Variants in ODR4 observed in about 807,000 individuals in gnomAD.
The protein encoded by ODR4 is protein odr-4 homolog.
In ODR4, 47 loss-of-function variants were observed where a neutral mutation model predicts 60.2. The observed-to-expected ratio is 0.78, with a 90% CI of 0.62 to 1.00. The LOEUF (loss-of-function observed/expected upper bound fraction) is 1.00, where lower values mean the gene tolerates loss of function less well. ODR4 is among the 50% of genes least tolerant of loss of function. The probability of loss-of-function intolerance (pLI) is 0.00; values close to 1 mark genes in which losing one functional copy is unlikely to be tolerated. For missense variants in ODR4, 488 were observed against 530.8 expected (o/e 0.92, Z 0.79); for synonymous variants, 178 against 175.5 (o/e 1.01, Z -0.11).
At chr1:186,382,830 A>G (rs1660091778) in intron 2 of ODR4, among the ~76,000 whole-genome samples, 192 bp from the exon 3 acceptor site, 1 of 152,248 alleles carries the variant, frequency 6.6e-6, no homozygotes, top group Non-Finnish European at 1.5e-5. Context: ...CATGTGAGGG[A>G]AAGATTGTAA....
chr1:186,425,118 C>T (rs577404808), downstream of ODR4, among the ~76,000 whole-genome samples: 2 of 152,014 alleles, frequency 1.3e-5, no homozygotes, highest in South Asian at 2.1e-4. Flanking sequence ...TTCACTACCT[C>T]CTAGGAAACC....
At chr1:186,407,453 G>A (rs962735296) in intron 12 of ODR4, among the ~76,000 whole-genome samples, 8 of 151,934 alleles carry the variant, frequency 5.3e-5, no homozygotes, top group African/African-American at 1.7e-4. Context: ...CTTCTCTATC[G>A]TTAAGGCCTA....
chr1:186,385,808 G>A (rs2102025017), intron 3 of ODR4, among the ~76,000 whole-genome samples, 180 bp from the exon 4 acceptor site: 1 of 152,174 alleles, frequency 6.6e-6, no homozygotes, highest in African/African-American at 2.4e-5. Flanking sequence ...TTCAGTCTTT[G>A]ATCTCCTGAG....
chr1:186,390,211 T>C (rs528469403), intron 6 of ODR4, among the ~76,000 whole-genome samples: 2 of 152,352 alleles, frequency 1.3e-5, no homozygotes, highest in South Asian at 4.1e-4. Context: ...CTGAGGACTT[T>C]TGGTAGCTGC....
intron 11 of ODR4, 194 bp downstream of exon 11, chr1:186,399,238 T>C (rs1365747895): frequency 1.7e-6 from 1 of 578,380 alleles, no homozygotes; most frequent in Non-Finnish European, 3.2e-6. Flanking sequence ...AGAGTCTCAC[T>C]GTGTTGCCCA....
chr1:186,398,876 AT>A (rs951794296), intron 10 of ODR4, 77 bp from the exon 11 acceptor site: 115 of 1,056,278 alleles, frequency 1.1e-4, no homozygotes, highest in Non-Finnish European at 1.2e-4. Context: ...AAAGCAAATT[AT>A]TTTTTTTGTT....
In ODR4 at chr1:186,393,864, A is replaced by G. The variant is rs555631721; in HGVS notation, c.712-83A>G. 570 of 700,764 alleles carry G rather than the reference A, an allele frequency of 8.1e-4. 2 individuals carry two copies. Among genetic ancestry groups the G allele is most frequent in the Admixed American group, 1.8e-3 (59 of 32,896 alleles). The allele number at this position is 700,764 out of a possible 1,614,324, so 43.4% of individuals were successfully genotyped here. A position where few individuals can be genotyped will look rare whatever the true frequency, so the allele number is the denominator to read the frequency against. On this transcript the variant is annotated intron_variant, in intron 8 of 13. Coordinates refer to ENST00000287859, the MANE Select transcript of ODR4 (RefSeq NM_017847.6). ...AGACTTGTTTTTTTCTAAGTTACTT[A>G]GTATATGTACAATAGTTTATAAGTT...
intron 8 of ODR4, among the ~76,000 whole-genome samples, chr1:186,393,436 G>T (rs1291259789): frequency 6.6e-6 from 1 of 152,156 alleles, no homozygotes; most frequent in Non-Finnish European, 1.5e-5. Context: ...CAGTTCAAAA[G>T]CTATGGCCAT....
the ODR4 span, among the ~76,000 whole-genome samples, chr1:186,433,831 G>A: frequency 1.3e-5 from 2 of 152,136 alleles, no homozygotes; most frequent in African/African-American, 2.4e-5. Context: ...CACCCACCTC[G>A]GCCTCCCAAA....
At chr1:186,418,871 T>A (rs1296258239) in intron 13 of ODR4, 138 bp from the exon 14 acceptor site, 7 of 679,810 alleles carry the variant, frequency 1.0e-5, no homozygotes, top group Non-Finnish European at 1.8e-5. Context: ...TATATACATA[T>A]GTATGTCTAT....
the ODR4 span, among the ~76,000 whole-genome samples, chr1:186,426,636 T>A: frequency 6.6e-6 from 1 of 152,162 alleles, no homozygotes; most frequent in Non-Finnish European, 1.5e-5. Context: ...TCCAGTCCAG[T>A]TTCCACAGGA....
At position 186,406,126 on chromosome 1, in the gene ODR4, TC is replaced by T; in HGVS notation, c.1048del (p.Leu350PhefsTer6). On this transcript the variant is annotated frameshift_variant, in exon 12 of 14. Coordinates refer to ENST00000287859, the MANE Select transcript of ODR4 (RefSeq NM_017847.6). LOFTEE classifies it high-confidence loss of function. ...ACGTCCTCCCTTATCGAGTCTTTGT[TC>T]CCCTTCCTGGATCCACTGTAATGTT... ...FHVLPYRVFV[P>X]LPGSTVMLCD... 1 of 1,603,230 alleles carries T rather than the reference TC, an allele frequency of 6.2e-7. No homozygotes were observed. Among genetic ancestry groups the T allele is most frequent in the South Asian group, 1.1e-5 (1 of 88,484 alleles).
chr1:186,381,681 A>G (rs1298681320), intron 2 of ODR4, among the ~76,000 whole-genome samples: 1 of 152,164 alleles, frequency 6.6e-6, no homozygotes, highest in Non-Finnish European at 1.5e-5. Context: ...TCACGGACAG[A>G]GCAATTCATT....
chr1:186,399,752 A>G (rs1660848560), intron 11 of ODR4, among the ~76,000 whole-genome samples: 2 of 152,132 alleles, frequency 1.3e-5, no homozygotes, highest in Non-Finnish European at 2.9e-5. Context: ...GGTACTATTT[A>G]TATAAACTAC....
At chr1:186,381,473 G>A (rs1273955874) in intron 2 of ODR4, among the ~76,000 whole-genome samples, 3 of 151,950 alleles carry the variant, frequency 2.0e-5, no homozygotes, top group Admixed American at 6.6e-5. Context: ...GACTACAGGC[G>A]CCCGCCACCT....
At chr1:186,411,820 G>C in intron 12 of ODR4, 3 of 963,552 alleles carry the variant, frequency 3.1e-6, no homozygotes, top group Non-Finnish European at 3.7e-6. Flanking sequence ...GTCTAGTATA[G>C]AGATGGATTA....
intron 11 of ODR4, chr1:186,401,091 C>T: frequency 6.3e-7 from 1 of 1,596,504 alleles, no homozygotes; most frequent in Non-Finnish European, 8.6e-7. Flanking sequence ...CCTTAGCAGA[C>T]ACATTAGTAT....
At chr1:186,431,393 T>C in the ODR4 span, among the ~76,000 whole-genome samples, 507 of 152,294 alleles carry the variant, frequency 3.3e-3, 6 homozygotes, top group South Asian at 0.022. Flanking sequence ...CCCCCAGCAA[T>C]CTTTGTCTTC....
downstream of ODR4, among the ~76,000 whole-genome samples, chr1:186,422,925 A>T (rs1017315289): frequency 6.6e-6 from 1 of 152,338 alleles, no homozygotes; most frequent in South Asian, 2.1e-4. Flanking sequence ...GAACAAGATG[A>T]AACGGGACAC....
Sources: allele counts gnomAD v4.1 joint callset (sites outside exome capture counted in the v4.1 genomes callset), GRCh38; gene constraint gnomAD v4.1.1; transcripts MANE v1.5; gene names NCBI Gene and HGNC (gene_info 2026-07-23, HGNC 2026-07-21).